Variants in TMA16 observed in about 807,000 individuals in gnomAD.
TMA16 encodes the protein translation machinery associated 16 homolog, also known as translation machinery-associated protein 16.
A neutral mutation model predicts 27.1 loss-of-function variants in TMA16; 26 were observed. The observed-to-expected ratio is 0.96, with a 90% CI of 0.70 to 1.33. The LOEUF (loss-of-function observed/expected upper bound fraction) is 1.33, where lower values mean the gene tolerates loss of function less well. TMA16 is among the 40% of genes most tolerant of loss of function. The pLI, the probability that TMA16 is intolerant of heterozygous loss-of-function variation, is 0.00. For missense variants in TMA16, 233 were observed against 241.4 expected (o/e 0.97, Z 0.23); for synonymous variants, 71 against 81.9 (o/e 0.87, Z 0.72).
At chr4:163,495,536 G>A (rs1357763293) in intron 1 of TMA16, among the ~76,000 whole-genome samples, 1 of 152,014 alleles carries the variant, frequency 6.6e-6, no homozygotes, top group African/African-American at 2.4e-5. Flanking sequence ...ACATATATTT[G>A]TATTTTGAAA....
rs371608584 is a variant in TMA16, at chr4:163,519,389, G to A, written c.487G>A (p.Ala163Thr). ...LPNIKMRKIC[A>T]NDAIPKTCKR... ...AAACATTAAAATGAGAAAAATTTGC[G>A]CTAATGATGCAATTCCCAAGACGTG... The change falls in exon 7 of 7, where the codon GCT (alanine) becomes ACT (threonine). Residue 163 changes from alanine to threonine, a missense_variant. Ala to Thr is a moderately conservative substitution (Grantham distance 58). Transcript: ENST00000358572. The A allele has an allele frequency of 5.0e-5, 80 of 1,604,552 alleles. No homozygotes were observed. Among genetic ancestry groups the A allele is most frequent in the Middle Eastern group, 5.0e-4 (3 of 6,036 alleles).
chr4:163,504,664 A>G (rs1348980363), intron 1 of TMA16, among the ~76,000 whole-genome samples: 1 of 152,074 alleles, frequency 6.6e-6, no homozygotes, highest in Non-Finnish European at 1.5e-5. Flanking sequence ...CACCCAGCAC[A>G]TTTTTATATT....
At chr4:163,504,945 C>T (rs1386592177) in intron 1 of TMA16, among the ~76,000 whole-genome samples, 1 of 152,152 alleles carries the variant, frequency 6.6e-6, no homozygotes, top group Non-Finnish European at 1.5e-5. Flanking sequence ...TCATGTGGCC[C>T]CTCCATATGG....
chr4:163,512,639 C>G, intron 2 of TMA16, 183 bp from the exon 3 acceptor site: 1 of 490,456 alleles, frequency 2.0e-6, no homozygotes, highest in Non-Finnish European at 3.7e-6. Context: ...TGATAAAATT[C>G]TAGTGATTCA....
At chr4:163,513,055 G>C (rs978357359) in intron 3 of TMA16, among the ~76,000 whole-genome samples, 196 bp downstream of exon 3, 2 of 152,118 alleles carry the variant, frequency 1.3e-5, no homozygotes, top group Non-Finnish European at 2.9e-5. Flanking sequence ...CAGTTTTCCA[G>C]AAACTGTTAG....
At chr4:163,502,901 C>G (rs1262162021) in intron 1 of TMA16, among the ~76,000 whole-genome samples, 1 of 152,126 alleles carries the variant, frequency 6.6e-6, no homozygotes, top group Non-Finnish European at 1.5e-5. Context: ...TACCGTCATT[C>G]ACGGCATAAT....
At chr4:163,502,297 TACCTC>T (rs1283880330) in intron 1 of TMA16, among the ~76,000 whole-genome samples, 1 of 152,204 alleles carries the variant, frequency 6.6e-6, no homozygotes, top group Non-Finnish European at 1.5e-5. Context: ...TTATATTTGA[TACCTC>T]ACACTATTTT....
In TMA16 at chr4:163,517,239, A is replaced by G. The variant is rs1579021181; in HGVS notation, c.389-195A>G. ...TTTATTTCATGGATTCTATGCTAGAATTTATCATTTAATAGGATTTTTCTT... is the reference window on the plus strand; with the variant it reads ...TTTATTTCATGGATTCTATGCTAGAGTTTATCATTTAATAGGATTTTTCTT... On this transcript the variant is annotated intron_variant, in intron 5 of 6. Transcript: ENST00000358572. 4 of 588,856 alleles carry G rather than the reference A, an allele frequency of 6.8e-6. No individual in the cohort carries two copies. In the East Asian group the frequency reaches 1.2e-4, roughly 17 times the overall value. The allele number at this position is 588,856 out of a possible 1,614,324, so 36.5% of individuals were successfully genotyped here.
chr4:163,512,641 A>C (rs1427173287), intron 2 of TMA16, 181 bp from the exon 3 acceptor site: 4 of 493,162 alleles, frequency 8.1e-6, no homozygotes, highest in African/African-American at 7.7e-5. Flanking sequence ...ATAAAATTCT[A>C]GTGATTCAAA....
At position 163,514,109 on chromosome 4, in the gene TMA16, C is replaced by T. The variant is rs1379852775; in HGVS notation, c.190C>T (p.Pro64Ser). Residue 64 changes from proline to serine, a missense_variant, in exon 4 of 7, where the codon CCC becomes TCC. Pro to Ser is a moderately conservative substitution (Grantham distance 74, BLOSUM62 -1). Transcript: ENST00000358572. The part of the protein sequence containing the change: ...KLQWFQNHLD[P>S]QKKRYSKKDA... ...GCAATGGTTTCAAAATCATCTTGATCCCCAAAAAAAGAGATATTCAAAGAA... is the reference window on the plus strand; with the variant it reads ...GCAATGGTTTCAAAATCATCTTGATTCCCAAAAAAAGAGATATTCAAAGAA... 6.2e-7 allele frequency: 1 copy of T among 1,609,042 alleles called. No homozygotes were observed. The highest frequency in any genetic ancestry group is 8.5e-7 in the Non-Finnish European group (1 of 1,177,924).
rs1049859711 is a variant in TMA16, at chr4:163,520,204, G to A, written c.*690G>A. 2.1e-5 allele frequency: 6 copies of A among 290,750 alleles called. No homozygotes were observed. Among genetic ancestry groups the A allele is most frequent in the Non-Finnish European group, 3.1e-5 (5 of 159,872 alleles). The allele number at this position is 290,750 out of a possible 1,614,324, so 18.0% of individuals were successfully genotyped here. A position where few individuals can be genotyped will look rare whatever the true frequency, so the allele number is the denominator to read the frequency against. On this transcript the variant is annotated 3_prime_UTR_variant, in exon 7 of 7. Coordinates refer to ENST00000358572, the MANE Select transcript of TMA16 (RefSeq NM_018352.3). ...GCTTTTTTATTGTGAAAAGAGGTAG[G>A]TTTTATTTGTGGAGAGAGAGTTGAA... is the stretch of plus-strand genomic sequence containing the variant.
At chr4:163,502,339 C>G (rs1737660625) in intron 1 of TMA16, among the ~76,000 whole-genome samples, 1 of 152,112 alleles carries the variant, frequency 6.6e-6, no homozygotes, top group South Asian at 2.1e-4. Context: ...ATTTTTAATT[C>G]ATAGTAGCCC....
chr4:163,518,638 G>A (rs11100505), intron 6 of TMA16, among the ~76,000 whole-genome samples: 64,119 of 151,876 alleles, frequency 0.42, 14,443 homozygotes, highest in Admixed American at 0.56. Flanking sequence ...TTTAAATCCA[G>A]TCATTGTCTA....
intron 2 of TMA16, among the ~76,000 whole-genome samples, chr4:163,511,035 T>G (rs1737784963): frequency 6.6e-6 from 1 of 152,214 alleles, no homozygotes; most frequent in South Asian, 2.1e-4. Flanking sequence ...TTATAAGACG[T>G]TAGGTTAACA....
chr4:163,497,736 C>G (rs1354306633), intron 1 of TMA16, among the ~76,000 whole-genome samples: 2 of 152,322 alleles, frequency 1.3e-5, no homozygotes, highest in Non-Finnish European at 2.9e-5. Flanking sequence ...TTCCCCATCT[C>G]AAGATCTTAA....
chr4:163,510,042 C>T, intron 2 of TMA16, among the ~76,000 whole-genome samples: 1 of 152,268 alleles, frequency 6.6e-6, no homozygotes, highest in East Asian at 1.9e-4. Flanking sequence ...ATAATTCTCA[C>T]ATCTCTCTAC....
intron 1 of TMA16, among the ~76,000 whole-genome samples, chr4:163,498,055 T>C (rs1366698109): frequency 6.6e-6 from 1 of 152,190 alleles, no homozygotes; most frequent in African/African-American, 2.4e-5. Flanking sequence ...TTACCTGATC[T>C]TATAGATCTA....
chr4:163,498,533 C>T (rs946319217), intron 1 of TMA16, among the ~76,000 whole-genome samples: 8 of 152,072 alleles, frequency 5.3e-5, no homozygotes, highest in South Asian at 4.1e-4. Flanking sequence ...ATGATCTGCC[C>T]GCCTCGGCCT....
chr4:163,519,557 A>G lies in TMA16; in HGVS notation c.*43A>G. The G allele has an allele frequency of 6.8e-7, 1 of 1,480,418 alleles. No individual in the cohort carries two copies. The highest frequency in any genetic ancestry group is 8.9e-7 in the Non-Finnish European group (1 of 1,117,462). The allele number at this position is 1,480,418 out of a possible 1,614,324, so 91.7% of individuals were successfully genotyped here. On this transcript the variant is annotated 3_prime_UTR_variant, in exon 7 of 7. Transcript: ENST00000358572. ...GAAAATAAATAATTTGAGAGCTTCA[A>G]ATTATATTCATTGATTATGGTACCT...
Sources: allele counts gnomAD v4.1 joint callset (sites outside exome capture counted in the v4.1 genomes callset), GRCh38; gene constraint gnomAD v4.1.1; transcripts MANE v1.5; gene names NCBI Gene and HGNC (gene_info 2026-07-23, HGNC 2026-07-21).